Variants in CARM1 observed in about 807,000 individuals in gnomAD.
The protein encoded by CARM1 is coactivator associated arginine methyltransferase 1.
CARM1 carries 14 observed loss-of-function variants against 72.7 expected under a neutral mutation model. The ratio of observed to expected loss-of-function variants is 0.19; its 90% CI spans 0.13 to 0.30. The LOEUF is 0.30. CARM1 is among the 10% of genes least tolerant of loss of function. The pLI, the probability that CARM1 is intolerant of heterozygous loss-of-function variation, is 1.00. For synonymous variants in CARM1, 333 were observed against 345.5 expected (o/e 0.96, Z 0.40); for missense variants, 432 against 833.7 (o/e 0.52, Z 5.93).
At position 10,919,894 on chromosome 19, in the gene CARM1, A is replaced by C; in HGVS notation, c.1124A>C (p.Lys375Thr). 6.2e-7 allele frequency: 1 copy of C among 1,614,054 alleles called. No individual in the cohort carries two copies. Among genetic ancestry groups the C allele is most frequent in the South Asian group, 1.1e-5 (1 of 91,076 alleles). ...GDLHRIEIPF[K>T]FHMLHSGLVH... The stretch of plus-strand genomic sequence containing the variant: ...CCTTCCAGGATAGAAATCCCATTCA[A>C]ATTCCACATGCTGCATTCAGGGCTG... Residue 375 changes from lysine (K) to threonine (T), a missense_variant, in exon 10 of 16, where the codon AAA becomes ACA. This residue lies in a region of CARM1 where 152 missense variants were observed against 452.8 expected (regional missense o/e 0.34). Transcript: ENST00000327064.
chr19:10,889,190 A>AC (rs1234156559), intron 1 of CARM1, among the ~76,000 whole-genome samples: 1 of 152,124 alleles, frequency 6.6e-6, no homozygotes, highest in East Asian at 1.9e-4. Flanking sequence ...GCTTGGGGGC[A>AC]CCATGGAGGC....
At chr19:10,907,468 G>A (rs981440423) in intron 2 of CARM1, among the ~76,000 whole-genome samples, 3 of 151,912 alleles carry the variant, frequency 2.0e-5, no homozygotes, top group African/African-American at 7.3e-5. Flanking sequence ...ACGAGGCAGG[G>A]TCTTGTTATG....
rs2073816468 is a variant in CARM1 at position 10,871,628 on chromosome 19, G to GGCGGCGGCA, written c.-67_-66insAGCGGCGGC. The GGCGGCGGCA allele has an allele frequency of 4.3e-5, 6 of 138,886 alleles. No homozygotes were observed. The highest frequency in any genetic ancestry group is 6.8e-5 in the Non-Finnish European group (6 of 88,192). The allele number at this position is 138,886 out of a possible 1,614,324, so 8.6% of individuals were successfully genotyped here. ...CGGCGGCGGCGGCGGCGGCGGCGGC[G>GGCGGCGGCA]GCGGCGGCGGCAGCGGCGGCGGCCT... On this transcript the variant is annotated 5_prime_UTR_variant, in exon 1 of 16. Transcript: ENST00000327064. The surrounding 1 kb of genome is among the most constrained non-coding windows in gnomAD (Gnocchi z 5.6).
At position 10,912,506 on chromosome 19, in the gene CARM1, T is replaced by C. The variant is rs2074159543; in HGVS notation, c.669+212T>C. On this transcript the variant is annotated intron_variant, in intron 5 of 15. Transcript: ENST00000327064. This position sits in a 1 kb window ranked among gnomAD's most constrained non-coding sequence, Gnocchi z 4.5. ...GGCCGGTAGTCAGGGCCACATGTCA[T>C]TTCCCTGTTTTCTTTTTTTTTTTTT... is the stretch of plus-strand genomic sequence containing the variant. Among the ~76,000 whole-genome samples, 3 of 151,872 alleles carry C rather than the reference T, an allele frequency of 2.0e-5. No homozygotes were observed. Among genetic ancestry groups the C allele is most frequent in the Non-Finnish European group, 4.4e-5 (3 of 67,906 alleles).
Position 10,916,897 on chromosome 19 carries a change from C to T in CARM1, c.1020+120C>T. Reference sequence around the variant, plus strand: ...TCTCCTCTGCCCTGCACAGCGCTCTCACAGAGATTTGGGCCAAAAGTGTCA... The same window carrying T: ...TCTCCTCTGCCCTGCACAGCGCTCTTACAGAGATTTGGGCCAAAAGTGTCA... On this transcript the variant is annotated intron_variant, in intron 8 of 15. Coordinates refer to ENST00000327064, the MANE Select transcript of CARM1 (RefSeq NM_199141.2). This position sits in a 1 kb window ranked among gnomAD's most constrained non-coding sequence, Gnocchi z 4.4. The T allele has an allele frequency of 1.4e-6, 1 of 726,838 alleles. No individual in the cohort carries two copies. The allele number at this position is 726,838 out of a possible 1,614,324, so 45.0% of individuals were successfully genotyped here.
chr19:10,919,719 A>C, intron 9 of CARM1, 39 bp downstream of exon 9: 1 of 1,577,126 alleles, frequency 6.3e-7, no homozygotes, highest in Non-Finnish European at 8.7e-7. Context: ...GGCCTGGCTC[A>C]GGCCGAAGGT....
rs749779974 is a variant in CARM1 at position 10,922,352 on chromosome 19, C to T, written c.*595C>T. 1 of 152,684 alleles carries T rather than the reference C, an allele frequency of 6.5e-6. No individual in the cohort carries two copies. Among genetic ancestry groups the T allele is most frequent in the African/African-American group, 2.4e-5 (1 of 41,454 alleles). The allele number at this position is 152,684 out of a possible 1,614,324, so 9.5% of individuals were successfully genotyped here. A position where few individuals can be genotyped will look rare whatever the true frequency, so the allele number is the denominator to read the frequency against. ...GCCGAGGCTTCAGGGGCCCCCTCCC[C>T]ACCAAAGGGTTCACCTCACACTTGA... On this transcript the variant is annotated 3_prime_UTR_variant, in exon 16 of 16. Coordinates refer to ENST00000327064, the MANE Select transcript of CARM1 (RefSeq NM_199141.2).
chr19:10,890,778 T>C (rs187872271), intron 1 of CARM1, among the ~76,000 whole-genome samples: 1,984 of 87,424 alleles, frequency 0.023, 92 homozygotes, highest in South Asian at 0.029. Context: ...CACACACATA[T>C]ATATATATAT....
chr19:10,900,723 G>T (rs191871962), intron 1 of CARM1, among the ~76,000 whole-genome samples: 2 of 151,890 alleles, frequency 1.3e-5, no homozygotes, highest in Non-Finnish European at 2.9e-5. Context: ...TGGCTCTGTC[G>T]CCCAGGCTGG....
chr19:10,886,382 A>T (rs761247770), intron 1 of CARM1, among the ~76,000 whole-genome samples: 2 of 151,438 alleles, frequency 1.3e-5, no homozygotes, highest in Non-Finnish European at 2.9e-5. Context: ...TCTTGTAGAG[A>T]CGGGGTCTCA....
rs752749606 is a variant in CARM1, at chr19:10,916,693, C to T, written c.939-3C>T. 5 of 1,568,972 alleles carry T rather than the reference C, an allele frequency of 3.2e-6. No homozygotes were observed. The South Asian group carries it at 3.5e-5, about 11-fold the overall frequency. On this transcript the variant is annotated splice_polypyrimidine_tract_variant and splice_region_variant and intron_variant, in intron 7 of 15. Transcript: ENST00000327064. The surrounding 1 kb of genome is among the most constrained non-coding windows in gnomAD (Gnocchi z 4.4). ...TTGCTGTGGGGGTGGGGCCTGTCCA[C>T]AGGTACCAGCCATCTTTCCATGGAG...
intron 8 of CARM1, among the ~76,000 whole-genome samples, chr19:10,918,311 G>C (rs1218775347): frequency 6.6e-6 from 1 of 151,970 alleles, no homozygotes; most frequent in South Asian, 2.1e-4. Flanking sequence ...CTTCAGCCTC[G>C]ATCTCCCAGA....
intron 1 of CARM1, among the ~76,000 whole-genome samples, chr19:10,886,486 A>G (rs1262703048): frequency 6.7e-6 from 1 of 149,784 alleles, no homozygotes; most frequent in Non-Finnish European, 1.5e-5. Flanking sequence ...GTGAGTCACC[A>G]TGCCCCGCCC....
At chr19:10,887,435 C>T (rs1183327298) in intron 1 of CARM1, among the ~76,000 whole-genome samples, 11 of 152,288 alleles carry the variant, frequency 7.2e-5, no homozygotes, top group Admixed American at 2.0e-4. Flanking sequence ...GGTCCTGGGG[C>T]GGAAGGCGGC....
In CARM1 at chr19:10,921,057, G is replaced by A. The variant is rs760631549; in HGVS notation, c.1545G>A (p.Pro515=). ...CTCCCTCTCTGGACACAGGGATGCC[G>A]ACCGCCTATGACTTGAGCAGTGTTA... The part of the protein sequence containing the change: ...LSSGMAVAGM[P]TAYDLSSVIA... The change falls in exon 14 of 16, where the codon CCG becomes CCA. Residue 515 remains proline, a synonymous_variant. Coordinates refer to ENST00000327064, the MANE Select transcript of CARM1 (RefSeq NM_199141.2). The A allele has an allele frequency of 1.5e-5, 24 of 1,613,996 alleles. No homozygotes were observed. Among genetic ancestry groups the A allele is most frequent in the Middle Eastern group, 1.6e-4 (1 of 6,084 alleles).
chr19:10,890,260 G>GTTTTTTTTT (rs377132328), intron 1 of CARM1, among the ~76,000 whole-genome samples: 3 of 110,528 alleles, frequency 2.7e-5, no homozygotes, highest in African/African-American at 9.1e-5. Flanking sequence ...TTTGTTTTTT[G>GTTTTTTTTT]TTTTGTTTGT....
At chr19:10,895,548 G>A (rs1177254187) in intron 1 of CARM1, among the ~76,000 whole-genome samples, 1 of 152,220 alleles carries the variant, frequency 6.6e-6, no homozygotes, top group Non-Finnish European at 1.5e-5. Flanking sequence ...GCTGCTGTGT[G>A]GCCACCTGAT....
chr19:10,915,699 G>A lies in CARM1; in HGVS notation c.848-708G>A, dbSNP rs2074190253. On this transcript the variant is annotated intron_variant, in intron 6 of 15. Coordinates refer to ENST00000327064, the MANE Select transcript of CARM1 (RefSeq NM_199141.2). The surrounding 1 kb of genome is among the most constrained non-coding windows in gnomAD (Gnocchi z 4.6). ...ACCTCAGGATCTCCTCCCCCAGCTT[G>A]CAAGGCTGGGGGGCCCACATCTGGA... is the stretch of plus-strand genomic sequence containing the variant. Among the ~76,000 whole-genome samples the A allele has an allele frequency of 6.6e-6, 1 of 152,168 alleles. No individual in the cohort carries two copies. The highest frequency in any genetic ancestry group is 6.5e-5 in the Admixed American group (1 of 15,272).
intron 3 of CARM1, 51 bp downstream of exon 3, chr19:10,908,196 G>A (rs753872702): frequency 3.2e-6 from 4 of 1,236,608 alleles, no homozygotes; most frequent in Non-Finnish European, 3.6e-6. Context: ...CAGCCCCCCT[G>A]CCACTCACCC....
Sources: gnomAD v4.1 joint callset for allele counts (sites outside exome capture counted in the v4.1 genomes callset) on GRCh38, gnomAD v4.1.1 for gene constraint, gnomAD v4.1.1 regional missense constraint, Gnocchi (gnomAD v3.1) non-coding constraint, MANE v1.5 for transcripts, NCBI Gene and HGNC (gene_info 2026-07-23, HGNC 2026-07-21) for gene names.